The following PTCD1 variants were observed in gnomAD, a reference collection of about 807,000 sequenced individuals.
PTCD1 encodes pentatricopeptide repeat-containing protein 1, mitochondrial.
In PTCD1, 50 loss-of-function variants were observed where a neutral mutation model predicts 53.4. That is an observed-to-expected ratio of 0.94 (90% CI 0.75 to 1.19). PTCD1 has a LOEUF of 1.19. Among genes scored for constraint, PTCD1 ranks in the 50% most tolerant of loss-of-function variants. The pLI is 0.00. For missense variants in PTCD1, 918 were observed against 904.8 expected (o/e 1.01, Z -0.19); for synonymous variants, 413 against 394.8 (o/e 1.05, Z -0.55).
Position 99,425,497 on chromosome 7 carries a change from C to T in PTCD1, c.1035G>A (p.Leu345=), listed in dbSNP as rs753008438. ...GDPQVASELL[L]KPREEATVLQ... is the part of the protein sequence containing the mutation. ...GCACAGTCGCCTCCTCCCTGGGCTTCAGAAGCAGCTCTGAGGCCACCTGGG... is the reference window on the plus strand; with the variant it reads ...GCACAGTCGCCTCCTCCCTGGGCTTTAGAAGCAGCTCTGAGGCCACCTGGG... Residue 345 remains leucine (L), a synonymous_variant, in exon 6 of 8, where the codon CTG becomes CTA. Transcript: ENST00000292478. 1.1e-5 allele frequency: 17 copies of T among 1,612,532 alleles called. No individual in the cohort carries two copies. The highest frequency in any genetic ancestry group is 8.9e-5 in the East Asian group (4 of 44,870).
rs867824622 is a variant in PTCD1 at position 99,417,711 on chromosome 7, C to T, written c.*2256G>A. ...GGAATGTCGTTTTGTCCCTGGATGT[C>T]CTGCTGGCTCTCCCTCGTGGGAGTG... On this transcript the variant is annotated 3_prime_UTR_variant, in exon 8 of 8. Coordinates refer to ENST00000292478, the MANE Select transcript of PTCD1 (RefSeq NM_015545.4). 9.1e-6 allele frequency: 14 copies of T among 1,543,038 alleles called. No individual in the cohort carries two copies. The Middle Eastern group carries it at 1.8e-3, about 202-fold the overall frequency.
intron 5 of PTCD1, among the ~76,000 whole-genome samples, chr7:99,427,487 G>C (rs1440252911): frequency 6.1e-5 from 9 of 148,148 alleles, no homozygotes; most frequent in African/African-American, 1.8e-4. Context: ...GGTGGGGGGG[G>C]TCAGCCCCCC....
chr7:99,419,236 A>G lies in PTCD1; in HGVS notation c.*731T>C. The G allele has an allele frequency of 4.7e-6, 4 of 845,866 alleles. No homozygotes were observed. The highest frequency in any genetic ancestry group is 7.4e-6 in the Non-Finnish European group (4 of 538,718). The allele number at this position is 845,866 out of a possible 1,614,324, so 52.4% of individuals were successfully genotyped here. On this transcript the variant is annotated 3_prime_UTR_variant, in exon 8 of 8. Transcript: ENST00000292478. ...TGGTTCTACCTTCATGAGGGAGCCA[A>G]ATTTTCCCTGTCCAGAGCTGTCAAG...
At position 99,425,194 on chromosome 7, in the gene PTCD1, C is replaced by A; in HGVS notation, c.1338G>T (p.Gly446=). The part of the protein sequence containing the change: ...VELEVNLLTP[G]AVPPTVVSFG... ...AGGAGACCACTGTAGGGGGAACGGC[C>A]CCGGGGGTCAGGAGGTTGACTTCCA... The change falls in exon 6 of 8, where the codon GGG becomes GGT. Residue 446 remains glycine (G), a synonymous_variant. Transcript: ENST00000292478. 1 of 1,612,824 alleles carries A rather than the reference C, an allele frequency of 6.2e-7. No homozygotes were observed. The highest frequency in any genetic ancestry group is 8.5e-7 in the Non-Finnish European group (1 of 1,178,968).
rs141887500 is a variant in PTCD1, at chr7:99,423,838, C to T, written c.1857G>A (p.Pro619=). 17 of 1,614,042 alleles carry T rather than the reference C, an allele frequency of 1.1e-5. No homozygotes were observed. Among genetic ancestry groups the T allele is most frequent in the Middle Eastern group, 1.6e-4 (1 of 6,084 alleles). The change falls in exon 7 of 8, where the codon CCG becomes CCA. Residue 619 remains proline (P), a synonymous_variant. Transcript: ENST00000292478. The part of the protein sequence containing the change: ...ILKDMKQNRV[P]VNEVVIRQLE... Reference sequence around the variant, plus strand: ...GCTGGCGGATGACCACTTCGTTCACCGGGACCCTGTTCTGCTTCATGTCCT... The same window carrying T: ...GCTGGCGGATGACCACTTCGTTCACTGGGACCCTGTTCTGCTTCATGTCCT...
intron 1 of PTCD1, among the ~76,000 whole-genome samples, chr7:99,438,320 G>C (rs566514804): frequency 7.4e-6 from 1 of 135,882 alleles, no homozygotes; most frequent in Non-Finnish European, 1.5e-5. Context: ...TTAAAAATTA[G>C]CCAAGTGTGG....
chr7:99,432,964 T>C (rs1796320020), intron 3 of PTCD1: 14 of 455,188 alleles, frequency 3.1e-5, no homozygotes, highest in South Asian at 2.7e-4. Context: ...CAGGAGGAAC[T>C]CTTGAGCCAA....
At chr7:99,427,645 G>A (rs539415211) in intron 5 of PTCD1, among the ~76,000 whole-genome samples, 4 of 152,130 alleles carry the variant, frequency 2.6e-5, no homozygotes, top group East Asian at 1.9e-4. Context: ...TGACAGTGGC[G>A]GTTTTGTGGA....
intron 7 of PTCD1, among the ~76,000 whole-genome samples, chr7:99,422,086 C>T (rs1049308314): frequency 1.3e-5 from 2 of 152,100 alleles, no homozygotes; most frequent in African/African-American, 2.4e-5. Flanking sequence ...CAACAAAAAA[C>T]CAGTACCCAG....
At position 99,433,327 on chromosome 7, in the gene PTCD1, C is replaced by T. The variant is rs1369961174; in HGVS notation, c.545G>A (p.Gly182Asp). The T allele has an allele frequency of 6.2e-7, 1 of 1,614,192 alleles. No individual in the cohort carries two copies. The highest frequency in any genetic ancestry group is 1.1e-5 in the South Asian group (1 of 91,088). The change falls in exon 3 of 8, where the codon GGC (glycine) becomes GAC (aspartate). Residue 182 changes from glycine (G) to aspartate (D), a missense_variant. Physicochemically the swap from Gly to Asp is moderately conservative, Grantham distance 94 (BLOSUM62 -1). Transcript: ENST00000292478. ...MESNYTVLIG[G>D]CGRVGYLKKA... ...CTTCAGGTAGCCAACCCGCCCGCAG[C>T]CCCCAATCAGCACCGTGTAGTTGCT...
rs1795561561 is a variant in PTCD1 at position 99,417,426 on chromosome 7, C to T, written c.*2541G>A. 6.2e-7 allele frequency: 1 copy of T among 1,613,552 alleles called. No individual in the cohort carries two copies. The highest frequency in any genetic ancestry group is 1.1e-5 in the South Asian group (1 of 91,048). On this transcript the variant is annotated 3_prime_UTR_variant, in exon 8 of 8. Transcript: ENST00000292478. ...TGATGCTCTTTCCCCATCTTTTTGA[C>T]AGAACTCTATGAATATTGTATTAAA...
At chr7:99,438,576 C>T in intron 1 of PTCD1, 116 bp downstream of exon 1, 1 of 1,132,354 alleles carries the variant, frequency 8.8e-7, no homozygotes, top group Non-Finnish European at 1.1e-6. Flanking sequence ...CTTCTGCAGC[C>T]TCAGTTTCCC....
intron 5 of PTCD1, among the ~76,000 whole-genome samples, chr7:99,427,129 G>A (rs1562842402): frequency 6.6e-6 from 1 of 150,974 alleles, no homozygotes; most frequent in Non-Finnish European, 1.5e-5. Context: ...CGGGAGGGAG[G>A]TGGGGGTCAG....
chr7:99,417,708 T>C lies in PTCD1; in HGVS notation c.*2259A>G. The C allele has an allele frequency of 1.9e-6, 3 of 1,544,886 alleles. No individual in the cohort carries two copies. The highest frequency in any genetic ancestry group is 2.4e-5 in the South Asian group (2 of 84,690). ...GCTGGAATGTCGTTTTGTCCCTGGA[T>C]GTCCTGCTGGCTCTCCCTCGTGGGA... is the stretch of plus-strand genomic sequence containing the variant. On this transcript the variant is annotated 3_prime_UTR_variant, in exon 8 of 8. Transcript: ENST00000292478.
In PTCD1 at chr7:99,429,698, G is replaced by A. The variant is rs141907753; in HGVS notation, c.703C>T (p.Arg235Trp). ...AAGTTTTTGGCCTGCAGCTGCTGCC[G>A]GAGCTTCAGGGCGCTCTGTAGAGCT... ...DSALQSALKL[R>W]QQLQAKNFEL... The change falls in exon 4 of 8, where the codon CGG becomes TGG. Residue 235 changes from arginine to tryptophan, a missense_variant. Coordinates refer to ENST00000292478, the MANE Select transcript of PTCD1 (RefSeq NM_015545.4). The A allele has an allele frequency of 8.9e-5, 143 of 1,614,212 alleles. 1 individual carries two copies. In the African/African-American group the frequency reaches 1.3e-3, roughly 14 times the overall value.
At chr7:99,425,704 GT>G in intron 5 of PTCD1, 88 bp from the exon 6 acceptor site, 1 of 1,482,576 alleles carries the variant, frequency 6.7e-7, no homozygotes, top group Non-Finnish European at 9.1e-7. Context: ...CACCTTGGGA[GT>G]TTTAGATGGG....
At chr7:99,437,321 TTTC>T (rs1195495245) in intron 1 of PTCD1, among the ~76,000 whole-genome samples, 1 of 151,892 alleles carries the variant, frequency 6.6e-6, no homozygotes, top group African/African-American at 2.4e-5. Flanking sequence ...TTTCTTTTCT[TTTC>T]TTTTTTTTTT....
In PTCD1 at chr7:99,417,532, G is replaced by A. The variant is rs1236109408; in HGVS notation, c.*2435C>T. 3 of 1,611,908 alleles carry A rather than the reference G, an allele frequency of 1.9e-6. No homozygotes were observed. Among genetic ancestry groups the A allele is most frequent in the African/African-American group, 2.7e-5 (2 of 74,910 alleles). On this transcript the variant is annotated 3_prime_UTR_variant, in exon 8 of 8. Transcript: ENST00000292478. ...ACTTGTGCTGCCTGCGGTGCATTCA[G>A]ACACGGGACACCAACTTCGGGACGA...
rs1287126148 is a variant in PTCD1, at chr7:99,418,082, C to T, written c.*1885G>A. 3 of 763,800 alleles carry T rather than the reference C, an allele frequency of 3.9e-6. No individual in the cohort carries two copies. The African/African-American group carries it at 5.7e-5, about 15-fold the overall frequency. The allele number at this position is 763,800 out of a possible 1,614,324, so 47.3% of individuals were successfully genotyped here. On this transcript the variant is annotated 3_prime_UTR_variant, in exon 8 of 8. Transcript: ENST00000292478. Reference sequence around the variant, plus strand: ...TCCCGGGTTCAAGCGGTTCTCCTGCCTCATCCTCCTGAGTAGCTGGGACTA... The same window carrying T: ...TCCCGGGTTCAAGCGGTTCTCCTGCTTCATCCTCCTGAGTAGCTGGGACTA...
Sources: gnomAD v4.1 joint callset for allele counts (sites outside exome capture counted in the v4.1 genomes callset) on GRCh38, gnomAD v4.1.1 for gene constraint, MANE v1.5 for transcripts, NCBI Gene and HGNC (gene_info 2026-07-23, HGNC 2026-07-21) for gene names.